ARHGAP15: variants seen among roughly 807,000 people sequenced by gnomAD.
ARHGAP15 encodes the protein Rho GTPase activating protein 15, also known as rho GTPase-activating protein 15.
Under a neutral mutation model 63.7 loss-of-function variants are expected in ARHGAP15, and 51 were observed. That is an observed-to-expected ratio of 0.80 (90% CI 0.64 to 1.01). The LOEUF (loss-of-function observed/expected upper bound fraction) is 1.01. ARHGAP15 is among the 50% of genes least tolerant of loss of function. ARHGAP15 has a pLI of 0.00. For synonymous variants in ARHGAP15, 191 were observed against 193.8 expected (o/e 0.99, Z 0.12); for missense variants, 560 against 564.6 (o/e 0.99, Z 0.08).
chr2:143,672,508 T>C (rs1342007737), intron 12 of ARHGAP15, among the ~76,000 whole-genome samples: 2 of 152,212 alleles, frequency 1.3e-5, no homozygotes, highest in African/African-American at 2.4e-5. Flanking sequence ...TTTTATCACA[T>C]AATATCTGTG....
At chr2:143,479,159 A>G (rs1163222047) in intron 8 of ARHGAP15, among the ~76,000 whole-genome samples, 1 of 152,222 alleles carries the variant, frequency 6.6e-6, no homozygotes, top group Non-Finnish European at 1.5e-5. Context: ...AAATACTGCT[A>G]ATGATGGTTC....
intron 6 of ARHGAP15, among the ~76,000 whole-genome samples, chr2:143,269,382 C>G (rs993187589): frequency 6.6e-6 from 1 of 152,150 alleles, no homozygotes; most frequent in Non-Finnish European, 1.5e-5. Context: ...TTACAATCAA[C>G]TTGCTCTTCA....
chr2:143,233,646 CTTTT>C (rs558684012), intron 5 of ARHGAP15, among the ~76,000 whole-genome samples: 2 of 132,166 alleles, frequency 1.5e-5, no homozygotes, highest in African/African-American at 2.8e-5. Flanking sequence ...CAATAGCTAT[CTTTT>C]TTTTTTTTTT....
intron 13 of ARHGAP15, among the ~76,000 whole-genome samples, chr2:143,732,123 G>C (rs2105487197): frequency 6.6e-6 from 1 of 152,258 alleles, no homozygotes; most frequent in Non-Finnish European, 1.5e-5. Flanking sequence ...CTTGCAAAAG[G>C]GAAAATAATA....
At chr2:143,306,212 C>A (rs948362104) in intron 6 of ARHGAP15, among the ~76,000 whole-genome samples, 2 of 151,928 alleles carry the variant, frequency 1.3e-5, no homozygotes, top group African/African-American at 4.8e-5. Context: ...AATATATTTA[C>A]CAAAAATGTG....
At chr2:143,741,934 A>G (rs538722886) in intron 13 of ARHGAP15, among the ~76,000 whole-genome samples, 12 of 152,346 alleles carry the variant, frequency 7.9e-5, no homozygotes, top group African/African-American at 2.2e-4. Flanking sequence ...AGTTATAGAA[A>G]AAGGAAGGGA....
At chr2:143,758,014 C>T (rs1517917) in intron 13 of ARHGAP15, among the ~76,000 whole-genome samples, 95,398 of 151,810 alleles carry the variant, frequency 0.63, 30,532 homozygotes, top group Admixed American at 0.74. Context: ...GCAAGGATTT[C>T]ACTGTAGCAT....
intron 13 of ARHGAP15, among the ~76,000 whole-genome samples, chr2:143,715,585 A>G (rs977806032): frequency 4.6e-5 from 7 of 152,194 alleles, no homozygotes; most frequent in African/African-American, 1.7e-4. Flanking sequence ...TTTTTCTTGT[A>G]AATTCGTTTA....
chr2:143,416,407 G>A (rs532221323), intron 6 of ARHGAP15, among the ~76,000 whole-genome samples: 53 of 152,290 alleles, frequency 3.5e-4, no homozygotes, highest in African/African-American at 1.2e-3. Context: ...AAGCCATAAA[G>A]AGGCAAAATT....
At chr2:143,435,496 T>G (rs2105089152) in intron 6 of ARHGAP15, 105 bp from the exon 7 acceptor site, 2 of 1,351,240 alleles carry the variant, frequency 1.5e-6, no homozygotes, top group Non-Finnish European at 1.9e-6. Flanking sequence ...AAATATTTCA[T>G]TTTATTAAAC....
At chr2:143,511,568 T>G (rs1254927532) in intron 9 of ARHGAP15, among the ~76,000 whole-genome samples, 1 of 150,562 alleles carries the variant, frequency 6.6e-6, no homozygotes, top group African/African-American at 2.4e-5. Context: ...AAGTGTTCTT[T>G]TTTGTTTGTT....
At chr2:143,136,250 T>C (rs1689134312) in intron 1 of ARHGAP15, among the ~76,000 whole-genome samples, 1 of 152,170 alleles carries the variant, frequency 6.6e-6, no homozygotes, top group South Asian at 2.1e-4. Context: ...TTCATTATAC[T>C]GTTCACGTGA....
At chr2:143,687,661 A>C (rs73961836) in intron 12 of ARHGAP15, among the ~76,000 whole-genome samples, 9 of 152,250 alleles carry the variant, frequency 5.9e-5, no homozygotes, top group African/African-American at 2.2e-4. Context: ...TCTAGCACAC[A>C]ATTTTCCCTG....
chr2:143,301,493 C>T (rs1352884546), intron 6 of ARHGAP15, among the ~76,000 whole-genome samples: 1 of 151,920 alleles, frequency 6.6e-6, no homozygotes, highest in Non-Finnish European at 1.5e-5. Context: ...CTCCACAAGT[C>T]ACTATGATTA....
At chr2:143,153,818 CTTCTTCTTCTTCT>C (rs1558779250) in intron 1 of ARHGAP15, among the ~76,000 whole-genome samples, 7 of 83,558 alleles carry the variant, frequency 8.4e-5, no homozygotes, top group African/African-American at 2.1e-4. Context: ...TCTTCTTCTT[CTTCTTCTTCTTCT>C]TCTTCTTCTT....
At chr2:143,527,836 A>G (rs1694345215) in intron 10 of ARHGAP15, among the ~76,000 whole-genome samples, 1 of 152,076 alleles carries the variant, frequency 6.6e-6, no homozygotes, top group African/African-American at 2.4e-5. Flanking sequence ...GTTGCACACC[A>G]TTGCTACCGA....
At chr2:143,195,825 C>T (rs192143961) in intron 2 of ARHGAP15, among the ~76,000 whole-genome samples, 1 of 152,214 alleles carries the variant, frequency 6.6e-6, no homozygotes, top group East Asian at 1.9e-4. Flanking sequence ...TATTTAAAAG[C>T]AGAGCTATGA....
intron 6 of ARHGAP15, among the ~76,000 whole-genome samples, chr2:143,386,416 GA>G (rs984417626): frequency 3.3e-5 from 5 of 152,024 alleles, no homozygotes; most frequent in Non-Finnish European, 5.9e-5. Flanking sequence ...CCAGTGGGGG[GA>G]AAAAACGAGA....
chr2:143,135,865 C>T (rs1228205723), intron 1 of ARHGAP15, among the ~76,000 whole-genome samples: 4 of 152,220 alleles, frequency 2.6e-5, no homozygotes, highest in South Asian at 4.1e-4. Flanking sequence ...TATTCCTTTG[C>T]GGTTTTATTT....
Sources: gnomAD v4.1 joint callset for allele counts (sites outside exome capture counted in the v4.1 genomes callset) on GRCh38, gnomAD v4.1.1 for gene constraint, MANE v1.5 for transcripts, NCBI Gene and HGNC (gene_info 2026-07-23, HGNC 2026-07-21) for gene names.